The following TMEM178B variants were observed in gnomAD, a reference collection of about 807,000 sequenced individuals.
The protein encoded by TMEM178B is transmembrane protein 178B.
A neutral mutation model predicts 31.0 loss-of-function variants in TMEM178B; 5 were observed. That is an observed-to-expected ratio of 0.16 (90% CI 0.08 to 0.34). The LOEUF is 0.34. Ranked by LOEUF, TMEM178B falls within the 10% of genes least tolerant of loss-of-function variation. The pLI is 1.00. For missense variants in TMEM178B, 275 were observed against 400.3 expected, an observed-to-expected ratio of 0.69 and a Z score of 2.67; for synonymous variants, 164 against 164.0, an observed-to-expected ratio of 1.00 and a Z score of 0.00.
At chr7:141,110,117 A>T (rs1795211112) in intron 1 of TMEM178B, among the ~76,000 whole-genome samples, 1 of 152,196 alleles carries the variant, frequency 6.6e-6, no homozygotes, top group Non-Finnish European at 1.5e-5. Context: ...TTAGCAGCTT[A>T]TTTCTTTAAT....
intron 1 of TMEM178B, among the ~76,000 whole-genome samples, chr7:141,078,626 T>C (rs1794635346): frequency 6.6e-6 from 1 of 152,204 alleles, no homozygotes; most frequent in East Asian, 1.9e-4. Flanking sequence ...CAGAAACAGA[T>C]GCAGAGGAAC....
chr7:141,195,192 C>T (rs1260904152), intron 1 of TMEM178B, among the ~76,000 whole-genome samples: 2 of 152,208 alleles, frequency 1.3e-5, no homozygotes, highest in Non-Finnish European at 2.9e-5. Flanking sequence ...CTGCAGCTGG[C>T]TTGAATTTCT....
intron 2 of TMEM178B, among the ~76,000 whole-genome samples, chr7:141,236,520 C>T (rs888479053): frequency 3.9e-5 from 6 of 152,236 alleles, no homozygotes; most frequent in African/African-American, 1.4e-4. Context: ...AACCAAACCA[C>T]CTGCCTGCAG....
At chr7:141,456,103 T>C (rs550764760) in intron 3 of TMEM178B, among the ~76,000 whole-genome samples, 62 of 152,346 alleles carry the variant, frequency 4.1e-4, no homozygotes, top group Non-Finnish European at 6.9e-4. Context: ...AATGGTCTCA[T>C]CCACCACCCC....
chr7:141,360,128 G>A (rs1010465620), intron 2 of TMEM178B, among the ~76,000 whole-genome samples: 13 of 152,112 alleles, frequency 8.5e-5, no homozygotes, highest in Admixed American at 7.9e-4. Context: ...TCTGACAACT[G>A]ACTTATATTT....
At chr7:141,158,212 C>T (rs191050032) in intron 1 of TMEM178B, among the ~76,000 whole-genome samples, 1 of 152,312 alleles carries the variant, frequency 6.6e-6, no homozygotes, top group East Asian at 1.9e-4. Flanking sequence ...TCTCTTGCCT[C>T]AGCCCCCCAA....
intron 2 of TMEM178B, among the ~76,000 whole-genome samples, chr7:141,273,079 A>C (rs1417573852): frequency 6.6e-6 from 1 of 152,268 alleles, no homozygotes; most frequent in East Asian, 1.9e-4. Context: ...TTGCAACAAC[A>C]TGTATAAACG....
intron 2 of TMEM178B, among the ~76,000 whole-genome samples, chr7:141,399,771 G>C (rs1031245925): frequency 3.9e-5 from 6 of 152,078 alleles, no homozygotes; most frequent in Non-Finnish European, 5.9e-5. Flanking sequence ...AGTCAGCAAG[G>C]GCTCTCTACA....
At chr7:141,452,180 A>G (rs76279895) in intron 3 of TMEM178B, among the ~76,000 whole-genome samples, 168 of 152,378 alleles carry the variant, frequency 1.1e-3, no homozygotes, top group Non-Finnish European at 1.8e-3. Flanking sequence ...AATCTGGAAC[A>G]TGTTATGAAA....
Position 141,363,005 on chromosome 7 carries a change from C to T in TMEM178B, c.497-74603C>T, listed in dbSNP as rs182859877. ...ATAGCAAAGGCTGGGAAGATAAAGA[C>T]GGGTCTGTCCTCTGGAGACAGAGCA... is the stretch of plus-strand genomic sequence containing the variant. On this transcript the variant is annotated intron_variant, in intron 2 of 3. Coordinates refer to ENST00000565468, the MANE Select transcript of TMEM178B (RefSeq NM_001195278.2). Among the ~76,000 whole-genome samples, 7 of 152,302 alleles carry T rather than the reference C, an allele frequency of 4.6e-5. No homozygotes were observed. In the East Asian group the frequency reaches 7.7e-4, roughly 17 times the overall value.
At chr7:141,212,531 A>T (rs1054197216) in intron 1 of TMEM178B, 60 bp from the exon 2 acceptor site, 3 of 1,389,528 alleles carry the variant, frequency 2.2e-6, no homozygotes, top group East Asian at 5.0e-5. Flanking sequence ...TTAATCCCAG[A>T]ACTAGTCCAG....
chr7:141,338,798 A>G (rs1799468510), intron 2 of TMEM178B, among the ~76,000 whole-genome samples: 1 of 152,158 alleles, frequency 6.6e-6, no homozygotes, highest in Non-Finnish European at 1.5e-5. Flanking sequence ...TGTCAAAACC[A>G]CTTCAAGCTG....
intron 2 of TMEM178B, among the ~76,000 whole-genome samples, chr7:141,275,962 A>G (rs924530367): frequency 1.3e-5 from 2 of 152,202 alleles, no homozygotes; most frequent in African/African-American, 2.4e-5. Context: ...ACATCTGATC[A>G]TATTTTATAA....
rs188109851 is a variant in TMEM178B at position 141,267,173 on chromosome 7, G to A, written c.496+54469G>A. 4.4e-3 allele frequency among the ~76,000 whole-genome samples: 673 copies of A among 152,344 alleles called. 2 individuals carry two copies. Among genetic ancestry groups the A allele is most frequent in the Non-Finnish European group, 7.4e-3 (506 of 68,030 alleles). The stretch of plus-strand genomic sequence containing the variant: ...GCCCAGGAGAATTCAGCCAACGAGC[G>A]AAGCTCTGTAACCTTTCTTGGTTCT... On this transcript the variant is annotated intron_variant, in intron 2 of 3. Coordinates refer to ENST00000565468, the MANE Select transcript of TMEM178B (RefSeq NM_001195278.2).
chr7:141,303,120 A>T (rs545951155), intron 2 of TMEM178B, among the ~76,000 whole-genome samples: 1 of 152,272 alleles, frequency 6.6e-6, no homozygotes, highest in African/African-American at 2.4e-5. Flanking sequence ...ATCTTTATTC[A>T]GTGCCATTCC....
In TMEM178B at chr7:141,322,492, A is replaced by C. The variant is rs576921631; in HGVS notation, c.496+109788A>C. Among the ~76,000 whole-genome samples the C allele has an allele frequency of 2.0e-5, 3 of 152,266 alleles. No individual in the cohort carries two copies. The East Asian group carries it at 5.8e-4, about 29-fold the overall frequency. Reference sequence around the variant, plus strand: ...GGAGCTTGGAGTGACCCAAGATTGCACCACTGCACTCCAGCCTAGGCAACA... The same window carrying C: ...GGAGCTTGGAGTGACCCAAGATTGCCCCACTGCACTCCAGCCTAGGCAACA... On this transcript the variant is annotated intron_variant, in intron 2 of 3. Transcript: ENST00000565468.
chr7:141,205,140 CTGTCTAG>C (rs1796942218), intron 1 of TMEM178B, among the ~76,000 whole-genome samples: 1 of 152,172 alleles, frequency 6.6e-6, no homozygotes, highest in Non-Finnish European at 1.5e-5. Flanking sequence ...TCGATAAACT[CTGTCTAG>C]TGCTGGAAAC....
the TMEM178B span, among the ~76,000 whole-genome samples, chr7:141,510,461 G>A: frequency 2.6e-5 from 4 of 151,886 alleles, no homozygotes; most frequent in Admixed American, 1.3e-4. Flanking sequence ...CGAGGCAGGC[G>A]GATTATCTGA....
chr7:141,352,454 T>C (rs1422169646), intron 2 of TMEM178B: 1 of 151,668 alleles, frequency 6.6e-6, no homozygotes, highest in Non-Finnish European at 1.5e-5. Flanking sequence ...CTTGGCTCAC[T>C]GCAACCTCTG....
Sources: allele counts gnomAD v4.1 joint callset (sites outside exome capture counted in the v4.1 genomes callset), GRCh38; gene constraint gnomAD v4.1.1; transcripts MANE v1.5; gene names NCBI Gene and HGNC (gene_info 2026-07-23, HGNC 2026-07-21).